Variants in RUNX1 observed in about 807,000 individuals in gnomAD.
The protein encoded by RUNX1 is RUNX family transcription factor 1.
Under a neutral mutation model 42.8 loss-of-function variants are expected in RUNX1, and 19 were observed. That is an observed-to-expected ratio of 0.44 (90% CI 0.31 to 0.65). The LOEUF is 0.65. Ranked by LOEUF, RUNX1 falls within the 30% of genes least tolerant of loss-of-function variation. The pLI is 0.07. For missense variants in RUNX1, 528 were observed against 672.0 expected (o/e 0.79, Z 2.37); for synonymous variants, 271 against 289.4 (o/e 0.94, Z 0.64).
chr21:34,821,379 G>T lies in RUNX1; in HGVS notation c.805+13031C>A, dbSNP rs191199071. Reference sequence around the variant, plus strand: ...AATATATCTCAAAGACTTTGTGAAGGATTAATAAATACACACAATGCTTCC... The same window carrying T: ...AATATATCTCAAAGACTTTGTGAAGTATTAATAAATACACACAATGCTTCC... On this transcript the variant is annotated intron_variant, in intron 7 of 8. Transcript: ENST00000675419. 3.5e-4 allele frequency: 437 copies of T among 1,247,432 alleles called. 4 individuals carry two copies. In the African/African-American group the frequency reaches 6.1e-3, roughly 17 times the overall value. The allele number at this position is 1,247,432 out of a possible 1,614,324, so 77.3% of individuals were successfully genotyped here.
intron 2 of RUNX1, among the ~76,000 whole-genome samples, chr21:34,943,243 T>C (rs931735724): frequency 3.3e-5 from 5 of 152,134 alleles, no homozygotes; most frequent in African/African-American, 1.2e-4. Context: ...TGTGGAAAAA[T>C]ACAAAGAACT....
Position 34,799,424 on chromosome 21 carries a change from C to T in RUNX1, c.844G>A (p.Asp282Asn), listed in dbSNP as rs762953695. The change falls in exon 8 of 9, where the codon GAT becomes AAT. Residue 282 changes from aspartate (D) to asparagine (N), a missense_variant. Asp to Asn is a conservative substitution (Grantham distance 23). Transcript: ENST00000675419. ...GATCCCAGGTATTGGTAGGACTGAT[C>T]GTAGGACCACGGTGGGGATGGTTGG... ...QIQPSPPWSY[D>N]QSYQYLGSIA... 3.7e-6 allele frequency: 6 copies of T among 1,614,098 alleles called. No individual in the cohort carries two copies. In the South Asian group the frequency reaches 4.4e-5, roughly 12 times the overall value.
In RUNX1 at chr21:34,790,680, T is replaced by C. The variant is rs886057042; in HGVS notation, c.*1455A>G. 4.3e-6 allele frequency: 1 copy of C among 233,290 alleles called. No homozygotes were observed. The highest frequency in any genetic ancestry group is 8.5e-6 in the Non-Finnish European group (1 of 118,076). 14.5% of individuals were successfully genotyped at this position (233,290 alleles called of 1,614,324 possible). A position where few individuals can be genotyped will look rare whatever the true frequency, so the allele number is the denominator to read the frequency against. Reference sequence around the variant, plus strand: ...TGGTGAAAGCAACACAAAGATGTTGTTGAGTGAGCAGCACAGGACAGGGGG... The same window carrying C: ...TGGTGAAAGCAACACAAAGATGTTGCTGAGTGAGCAGCACAGGACAGGGGG... On this transcript the variant is annotated 3_prime_UTR_variant, in exon 9 of 9. Coordinates refer to ENST00000675419, the MANE Select transcript of RUNX1 (RefSeq NM_001754.5).
chr21:34,834,123 T>A, intron 7 of RUNX1: 1 of 652,266 alleles, frequency 1.5e-6, no homozygotes, highest in Non-Finnish European at 2.8e-6. Context: ...GAGCTATCTA[T>A]CCAATATGGA....
intron 2 of RUNX1, among the ~76,000 whole-genome samples, chr21:34,893,769 TG>T (rs1223663916): frequency 7.8e-5 from 10 of 128,088 alleles, no homozygotes; most frequent in Non-Finnish European, 1.5e-4. Context: ...TTTAGTATGC[TG>T]TTTTTTTTTT....
intron 6 of RUNX1, among the ~76,000 whole-genome samples, chr21:34,858,705 G>A (rs1206380769): frequency 6.6e-6 from 1 of 152,146 alleles, no homozygotes; most frequent in Admixed American, 6.6e-5. Flanking sequence ...TGCTGGGCGG[G>A]GGTGCTGGGC....
chr21:35,019,556 A>G lies in RUNX1; in HGVS notation c.58+29286T>C, dbSNP rs551939235. On this transcript the variant is annotated intron_variant, in intron 2 of 8. Transcript: ENST00000675419. ...ATGCTGAAAAAATTAAAATAATTCA[A>G]TGATTATCTATATTCGGACAAAGCA... 1.9e-4 allele frequency among the ~76,000 whole-genome samples: 29 copies of G among 152,288 alleles called. 1 individual carries two copies. The highest frequency in any genetic ancestry group is 1.2e-3 in the Admixed American group (19 of 15,298).
At chr21:35,030,025 A>C (rs147201388) in intron 2 of RUNX1, among the ~76,000 whole-genome samples, 84 of 152,174 alleles carry the variant, frequency 5.5e-4, no homozygotes, top group African/African-American at 1.9e-3. Flanking sequence ...CTTCCTCCTC[A>C]CACTGCCTCC....
chr21:34,873,956 C>T (rs921850432), intron 5 of RUNX1, among the ~76,000 whole-genome samples: 1 of 152,192 alleles, frequency 6.6e-6, no homozygotes, highest in Admixed American at 6.5e-5. Context: ...AAAACGAGCG[C>T]ATGTCATAGT....
intron 3 of RUNX1, 116 bp downstream of exon 3, chr21:34,892,805 CTTAA>C (rs2058094575): frequency 9.0e-6 from 6 of 663,054 alleles, no homozygotes; most frequent in South Asian, 1.8e-5. Flanking sequence ...CAGAAACAGC[CTTAA>C]TTATTTGGTT....
intron 6 of RUNX1, among the ~76,000 whole-genome samples, chr21:34,855,140 G>T (rs183264832): frequency 5.9e-5 from 9 of 152,172 alleles, no homozygotes; most frequent in African/African-American, 2.2e-4. Context: ...TGACCAGACA[G>T]GTAAAGGCTG....
chr21:34,999,700 A>T (rs1177829129), intron 2 of RUNX1, among the ~76,000 whole-genome samples: 3 of 152,220 alleles, frequency 2.0e-5, no homozygotes. Flanking sequence ...ACACGTGGTT[A>T]GGCCTTCAGC....
chr21:34,979,705 G>T (rs530000711), intron 2 of RUNX1, among the ~76,000 whole-genome samples: 1 of 152,152 alleles, frequency 6.6e-6, no homozygotes, highest in Non-Finnish European at 1.5e-5. Context: ...TCTATTTCAC[G>T]TCTGTTTTAA....
chr21:34,792,301 G>T lies in RUNX1; in HGVS notation c.1277C>A (p.Pro426Gln). ...GTTGGTGCAGGGCGGCAGGATGCGC[G>T]GCGGCGAGCGCTCGCCGCCCACCAT... ...FSMVGGERSP[P>Q]RILPPCTNAS... Residue 426 changes from proline to glutamine, a missense_variant, in exon 9 of 9, where the codon CCG (proline) becomes CAG (glutamine). Pro to Gln is a moderately conservative substitution (Grantham distance 76, BLOSUM62 -1). Transcript: ENST00000675419. This position sits in a 1 kb window ranked among gnomAD's most constrained non-coding sequence, Gnocchi z 6.9. 1 of 1,543,334 alleles carries T rather than the reference G, an allele frequency of 6.5e-7. No individual in the cohort carries two copies.
At chr21:34,928,407 T>A (rs1407988690) in intron 2 of RUNX1, among the ~76,000 whole-genome samples, 2 of 152,212 alleles carry the variant, frequency 1.3e-5, no homozygotes, top group Non-Finnish European at 2.9e-5. Flanking sequence ...AGGGCCAAGT[T>A]ACGAGGCCAG....
At chr21:34,848,528 G>A (rs1299471675) in intron 6 of RUNX1, among the ~76,000 whole-genome samples, 2 of 152,184 alleles carry the variant, frequency 1.3e-5, no homozygotes, top group Admixed American at 6.5e-5. Flanking sequence ...TCTGCCTCTC[G>A]AGTTCAAGTG....
chr21:35,020,863 T>C (rs1467656210), intron 2 of RUNX1, among the ~76,000 whole-genome samples: 2 of 152,222 alleles, frequency 1.3e-5, no homozygotes, highest in Non-Finnish European at 1.5e-5. Flanking sequence ...TACACTTTGC[T>C]TCTATGGGGA....
rs931055998 is a variant in RUNX1, at chr21:35,012,074, T to A, written c.58+36768A>T. Among the ~76,000 whole-genome samples the A allele has an allele frequency of 4.6e-5, 7 of 152,318 alleles. No individual in the cohort carries two copies. In the East Asian group the frequency reaches 5.8e-4, roughly 13 times the overall value. ...CAAACTTTGAATTAGGGGGATTTTT[T>A]AAAAAATAGTTGACTAAAGTAAATA... On this transcript the variant is annotated intron_variant, in intron 2 of 8. Coordinates refer to ENST00000675419, the MANE Select transcript of RUNX1 (RefSeq NM_001754.5).
Position 34,792,311 on chromosome 21 carries a change from G to GCCCC in RUNX1, c.1266_1267insGGGG (p.Arg423GlyfsTer178). On this transcript the variant is annotated frameshift_variant, in exon 9 of 9. Coordinates refer to ENST00000675419, the MANE Select transcript of RUNX1 (RefSeq NM_001754.5). LOFTEE classifies it high-confidence loss of function. This position sits in a 1 kb window ranked among gnomAD's most constrained non-coding sequence, Gnocchi z 6.9. ...GGCGGCAGGATGCGCGGCGGCGAGC[G>GCCCC]CTCGCCGCCCACCATGGAGAACTGG... 16 of 1,539,162 alleles carry GCCCC rather than the reference G, an allele frequency of 1.0e-5. No homozygotes were observed. Among genetic ancestry groups the GCCCC allele is most frequent in the East Asian group, 7.4e-5 (3 of 40,452 alleles).
Sources: allele counts gnomAD v4.1 joint callset (sites outside exome capture counted in the v4.1 genomes callset), GRCh38; gene constraint gnomAD v4.1.1; non-coding constraint Gnocchi (gnomAD v3.1); transcripts MANE v1.5; gene names NCBI Gene and HGNC (gene_info 2026-07-23, HGNC 2026-07-21).